RNF13: variants seen among roughly 807,000 people sequenced by gnomAD.
The protein encoded by RNF13 is ring finger protein 13.
In RNF13, 19 loss-of-function variants were observed where a neutral mutation model predicts 37.7. The ratio of observed to expected loss-of-function variants is 0.50; its 90% CI spans 0.35 to 0.74. The LOEUF (loss-of-function observed/expected upper bound fraction) is 0.74, where lower values mean the gene tolerates loss of function less well. RNF13 is among the 30% of genes least tolerant of loss of function. RNF13 has a pLI of 0.01. For missense variants in RNF13, 375 were observed against 453.0 expected, an observed-to-expected ratio of 0.83 and a Z score of 1.56; for synonymous variants, 144 against 157.8, an observed-to-expected ratio of 0.91 and a Z score of 0.65.
At position 149,921,207 on chromosome 3, in the gene RNF13, C is replaced by G. The variant is rs376955398; in HGVS notation, c.680C>G (p.Pro227Arg). 7.1e-7 allele frequency: 1 copy of G among 1,409,084 alleles called. No individual in the cohort carries two copies. 87.3% of individuals were successfully genotyped at this position (1,409,084 alleles called of 1,614,324 possible). Residue 227 changes from proline (P) to arginine (R), a missense_variant, in exon 8 of 10, where the codon CCT becomes CGT. Coordinates refer to ENST00000392894, the MANE Select transcript of RNF13 (RefSeq NM_183381.3). The part of the protein sequence containing the change: ...RLRKDQLKKL[P>R]VHKFKKGDEY... ...CGTAAAGATCAACTTAAGAAACTTC[C>G]TGTACATAAATTCAAGAAAGGTAAG... is the stretch of plus-strand genomic sequence containing the variant.
chr3:149,958,911 T>A (rs2108617978), intron 8 of RNF13, among the ~76,000 whole-genome samples: 1 of 152,330 alleles, frequency 6.6e-6, no homozygotes, highest in South Asian at 2.1e-4. Context: ...TCATTAAAGC[T>A]TTCTATTTCG....
At chr3:149,899,948 G>A (rs1715652166) in intron 5 of RNF13, among the ~76,000 whole-genome samples, 1 of 152,156 alleles carries the variant, frequency 6.6e-6, no homozygotes, top group Non-Finnish European at 1.5e-5. Flanking sequence ...AGAGTTTGGG[G>A]CTGGATCATT....
intron 8 of RNF13, chr3:149,939,746 G>T: frequency 1.6e-6 from 1 of 640,814 alleles, no homozygotes; most frequent in Non-Finnish European, 2.9e-6. Flanking sequence ...CAACTGAAAA[G>T]ATAGTTCTGG....
At chr3:149,857,225 TTATA>T (rs1440083506) in intron 3 of RNF13, among the ~76,000 whole-genome samples, 1 of 152,196 alleles carries the variant, frequency 6.6e-6, no homozygotes, top group African/African-American at 2.4e-5. Context: ...TACATTCTAT[TTATA>T]TATGCCCCAA....
At chr3:149,848,332 A>G (rs1004485526) in intron 2 of RNF13, among the ~76,000 whole-genome samples, 1 of 152,202 alleles carries the variant, frequency 6.6e-6, no homozygotes, top group African/African-American at 2.4e-5. Context: ...GGAGCTGCTT[A>G]AATCTGGTCT....
chr3:149,954,762 T>C (rs893037952), intron 8 of RNF13, among the ~76,000 whole-genome samples: 1 of 152,206 alleles, frequency 6.6e-6, no homozygotes, highest in African/African-American at 2.4e-5. Context: ...ATTTCTAGCA[T>C]ATATAATATA....
chr3:149,829,700 T>C (rs1196499541), intron 1 of RNF13, among the ~76,000 whole-genome samples: 1 of 152,242 alleles, frequency 6.6e-6, no homozygotes, highest in Non-Finnish European at 1.5e-5. Flanking sequence ...TGTAACACTT[T>C]TGCTTATGAC....
rs1722428837 is a variant in RNF13 at position 149,961,540 on chromosome 3, C to T, written c.*436C>T. On this transcript the variant is annotated 3_prime_UTR_variant, in exon 10 of 10. Coordinates refer to ENST00000392894, the MANE Select transcript of RNF13 (RefSeq NM_183381.3). ...GGAATATGTTCTGGCATTTACCTGA[C>T]CTGCCAATCATTAGGGAGAGGCAAC... The T allele has an allele frequency of 6.3e-6, 2 of 316,440 alleles. No homozygotes were observed. The highest frequency in any genetic ancestry group is 4.6e-5 in the Admixed American group (1 of 21,924). 19.6% of individuals were successfully genotyped at this position (316,440 alleles called of 1,614,324 possible).
At chr3:149,860,845 T>A (rs1456504325) in intron 3 of RNF13, among the ~76,000 whole-genome samples, 1 of 152,168 alleles carries the variant, frequency 6.6e-6, no homozygotes. Flanking sequence ...TGGGAGAAGA[T>A]ATTTGCAAAC....
intron 7 of RNF13, among the ~76,000 whole-genome samples, chr3:149,913,728 G>C (rs2108521545): frequency 6.6e-6 from 1 of 152,200 alleles, no homozygotes; most frequent in African/African-American, 2.4e-5. Context: ...CAAGGCTACA[G>C]GTTTTTCAAA....
intron 6 of RNF13, among the ~76,000 whole-genome samples, chr3:149,905,793 C>A (rs981736152): frequency 6.6e-6 from 1 of 150,788 alleles, no homozygotes; most frequent in Non-Finnish European, 1.5e-5. Flanking sequence ...TTTTTTTTGT[C>A]CTTCCCAATG....
At chr3:149,955,786 G>T (rs1323767651) in intron 8 of RNF13, among the ~76,000 whole-genome samples, 2 of 152,040 alleles carry the variant, frequency 1.3e-5, no homozygotes. Flanking sequence ...CTTTTACTTT[G>T]AGGAAACCTA....
At chr3:149,858,379 C>T (rs1436601996) in intron 3 of RNF13, among the ~76,000 whole-genome samples, 2 of 152,042 alleles carry the variant, frequency 1.3e-5, no homozygotes, top group Non-Finnish European at 2.9e-5. Flanking sequence ...ACATTGAGGG[C>T]CAGTCTCAGG....
chr3:149,936,958 C>G (rs892228009), intron 8 of RNF13, among the ~76,000 whole-genome samples: 2 of 152,066 alleles, frequency 1.3e-5, no homozygotes, highest in Non-Finnish European at 2.9e-5. Flanking sequence ...AAACGTTCGG[C>G]GCACTGACCA....
intron 3 of RNF13, among the ~76,000 whole-genome samples, chr3:149,855,936 A>G (rs1387113136): frequency 1.3e-5 from 2 of 152,172 alleles, no homozygotes; most frequent in African/African-American, 2.4e-5. Context: ...CTTTCATTCT[A>G]TCATAAGGAG....
chr3:149,827,038 A>G (rs557659260), intron 1 of RNF13, among the ~76,000 whole-genome samples: 24 of 152,280 alleles, frequency 1.6e-4, no homozygotes, highest in African/African-American at 4.8e-4. Context: ...GATTACAGGC[A>G]TTAGCCACCA....
At chr3:149,835,762 A>T (rs1721558827) in intron 1 of RNF13, among the ~76,000 whole-genome samples, 1 of 150,776 alleles carries the variant, frequency 6.6e-6, no homozygotes. Flanking sequence ...GCAATTGTGA[A>T]TTGTGTTGTT....
At chr3:149,816,894 A>G (rs1304523223) in intron 1 of RNF13, among the ~76,000 whole-genome samples, 1 of 152,194 alleles carries the variant, frequency 6.6e-6, no homozygotes, top group African/African-American at 2.4e-5. Context: ...ATAGATTTGA[A>G]AGATGTTGAC....
chr3:149,841,584 G>A (rs1345636404), intron 1 of RNF13, among the ~76,000 whole-genome samples: 1 of 152,086 alleles, frequency 6.6e-6, no homozygotes, highest in East Asian at 1.9e-4. Context: ...GGTAGAGTAT[G>A]AGAAAGTAAA....
Sources: allele counts gnomAD v4.1 joint callset (sites outside exome capture counted in the v4.1 genomes callset), GRCh38; gene constraint gnomAD v4.1.1; transcripts MANE v1.5; gene names NCBI Gene and HGNC (gene_info 2026-07-23, HGNC 2026-07-21).